ARK2C: variants seen among roughly 807,000 people sequenced by gnomAD.
The protein encoded by ARK2C is arkadia (RNF111) C-terminal like ring finger ubiquitin ligase 2C.
chr18:46,456,097 T>C, the ARK2C span: 1 of 1,453,560 alleles, frequency 6.9e-7, no homozygotes. Flanking sequence ...GACCGCCATT[T>C]TGATTCCCTC....
At chr18:46,448,375 G>A in the ARK2C span, among the ~76,000 whole-genome samples, 1 of 152,170 alleles carries the variant, frequency 6.6e-6, no homozygotes, top group Admixed American at 6.5e-5. Context: ...GGGAATGAAA[G>A]GGAACCTGCT....
chr18:46,459,729 C>G, the ARK2C span: 2 of 153,076 alleles, frequency 1.3e-5, no homozygotes, highest in African/African-American at 4.8e-5. Context: ...GCTTCTGCTC[C>G]CGGCACTGGT....
chr18:46,345,793 A>G, the ARK2C span, among the ~76,000 whole-genome samples: 2 of 152,338 alleles, frequency 1.3e-5, no homozygotes, highest in South Asian at 2.1e-4. Context: ...CAGGCAGGTC[A>G]GTCCAGGCTG....
the ARK2C span, chr18:46,337,501 C>T: frequency 1.8e-5 from 18 of 985,384 alleles, no homozygotes; most frequent in Non-Finnish European, 2.0e-5. Flanking sequence ...GCCATCTGCT[C>T]ATTGTACGCT....
chr18:46,414,483 T>C, the ARK2C span, among the ~76,000 whole-genome samples: 1 of 152,044 alleles, frequency 6.6e-6, no homozygotes, highest in African/African-American at 2.4e-5. Flanking sequence ...CACACACACA[T>C]CACAGGTGCC....
the ARK2C span, among the ~76,000 whole-genome samples, chr18:46,404,213 C>T: frequency 1.3e-5 from 2 of 152,154 alleles, no homozygotes; most frequent in African/African-American, 2.4e-5. Flanking sequence ...TAGGGTCACA[C>T]CTGCGAGTTC....
At chr18:46,422,159 C>T in the ARK2C span, among the ~76,000 whole-genome samples, 7 of 152,192 alleles carry the variant, frequency 4.6e-5, no homozygotes, top group African/African-American at 1.4e-4. Context: ...GGCCCACTTT[C>T]GTTTTCTTCA....
At chr18:46,450,278 G>T in the ARK2C span, 2 of 1,557,420 alleles carry the variant, frequency 1.3e-6, no homozygotes, top group Non-Finnish European at 1.8e-6. Flanking sequence ...TCTATCCAAG[G>T]CGTTTTCTAC....
the ARK2C span, among the ~76,000 whole-genome samples, chr18:46,453,836 T>TA: frequency 1.3e-5 from 2 of 151,624 alleles, no homozygotes; most frequent in East Asian, 3.9e-4. Flanking sequence ...ACATCATAGT[T>TA]AAAAGGGGGC....
At chr18:46,428,744 A>G in the ARK2C span, among the ~76,000 whole-genome samples, 1 of 152,264 alleles carries the variant, frequency 6.6e-6, no homozygotes, top group Non-Finnish European at 1.5e-5. Context: ...TACATATTGA[A>G]ATAACATTTT....
chr18:46,350,519 G>A, the ARK2C span, among the ~76,000 whole-genome samples: 1 of 152,188 alleles, frequency 6.6e-6, no homozygotes, highest in Non-Finnish European at 1.5e-5. Context: ...GGCAAGCATG[G>A]TCAGGAGCGC....
chr18:46,433,624 G>T, the ARK2C span: 2 of 884,844 alleles, frequency 2.3e-6, no homozygotes, highest in Non-Finnish European at 3.3e-6. Context: ...ACGGGGGCGG[G>T]GCTACAGGCT....
At chr18:46,435,344 T>C in the ARK2C span, 2 of 1,614,164 alleles carry the variant, frequency 1.2e-6, no homozygotes, top group African/African-American at 2.7e-5. Context: ...CAGCTTCGAC[T>C]TCGGCCAACT....
the ARK2C span, among the ~76,000 whole-genome samples, chr18:46,370,848 G>A: frequency 0.012 from 1,816 of 152,294 alleles, 33 homozygotes; most frequent in African/African-American, 0.039. Context: ...CAGGGGGCGT[G>A]AGGTCAGCAT....
At chr18:46,364,466 C>T in the ARK2C span, among the ~76,000 whole-genome samples, 1 of 151,940 alleles carries the variant, frequency 6.6e-6, no homozygotes, top group African/African-American at 2.4e-5. Context: ...GAAAGGGACA[C>T]ATTTTGTGGG....
the ARK2C span, among the ~76,000 whole-genome samples, chr18:46,390,727 G>A: frequency 3.3e-5 from 5 of 152,126 alleles, no homozygotes; most frequent in Non-Finnish European, 5.9e-5. Context: ...GTGGGAAGGC[G>A]GTGGCTCGGA....
the ARK2C span, among the ~76,000 whole-genome samples, chr18:46,363,118 A>G: frequency 2.5e-4 from 38 of 152,252 alleles, no homozygotes; most frequent in Admixed American, 5.9e-4. Context: ...GAACATAATA[A>G]GTGCTCAATA....
At chr18:46,392,842 G>A in the ARK2C span, among the ~76,000 whole-genome samples, 22 of 152,318 alleles carry the variant, frequency 1.4e-4, no homozygotes, top group Non-Finnish European at 2.8e-4. Flanking sequence ...ACACGCCTGG[G>A]TGGAGTTGGA....
At chr18:46,365,773 A>G in the ARK2C span, among the ~76,000 whole-genome samples, 1 of 152,130 alleles carries the variant, frequency 6.6e-6, no homozygotes, top group Admixed American at 6.5e-5. Context: ...AAAGTGGGAC[A>G]TCTCACTTTG....
Sources: gnomAD v4.1 joint callset for allele counts (sites outside exome capture counted in the v4.1 genomes callset) on GRCh38, gnomAD v4.1.1 for gene constraint, MANE v1.5 for transcripts, NCBI Gene and HGNC (gene_info 2026-07-23, HGNC 2026-07-21) for gene names.